The following TTC39B variants were observed in gnomAD, a reference collection of about 807,000 sequenced individuals.
TTC39B encodes tetratricopeptide repeat protein 39B.
A neutral mutation model predicts 96.6 loss-of-function variants in TTC39B; 92 were observed. That is an observed-to-expected ratio of 0.95 (90% CI 0.80 to 1.13). TTC39B has a LOEUF of 1.13. Ranked by LOEUF, TTC39B falls within the 50% of genes most tolerant of loss-of-function variation. TTC39B has a pLI of 0.00. For missense variants in TTC39B, 955 were observed against 809.3 expected (o/e 1.18, Z -2.18); for synonymous variants, 367 against 299.4 (o/e 1.23, Z -2.33).
At chr9:15,278,761 T>A (rs1487752506) in intron 1 of TTC39B, among the ~76,000 whole-genome samples, 1 of 152,266 alleles carries the variant, frequency 6.6e-6, no homozygotes, top group Non-Finnish European at 1.5e-5. Flanking sequence ...AGGCACTATG[T>A]TGAATACTCA....
intron 7 of TTC39B, among the ~76,000 whole-genome samples, 158 bp from the exon 8 acceptor site, chr9:15,200,083 A>T (rs1204557863): frequency 6.6e-6 from 1 of 152,174 alleles, no homozygotes; most frequent in Non-Finnish European, 1.5e-5. Flanking sequence ...CTTGCTTTAC[A>T]TTTAAAAGTT....
intron 1 of TTC39B, among the ~76,000 whole-genome samples, chr9:15,279,731 G>A (rs1402509121): frequency 6.6e-6 from 1 of 152,090 alleles, no homozygotes; most frequent in East Asian, 1.9e-4. Context: ...CACACACAAT[G>A]CTTGGCACTA....
At chr9:15,205,087 C>T (rs1053129296) in intron 6 of TTC39B, among the ~76,000 whole-genome samples, 6 of 152,142 alleles carry the variant, frequency 3.9e-5, no homozygotes, top group African/African-American at 1.4e-4. Context: ...GACCTCGTCC[C>T]CTCTCTGCTG....
chr9:15,212,678 C>A (rs1015064102), intron 4 of TTC39B, among the ~76,000 whole-genome samples: 4 of 152,196 alleles, frequency 2.6e-5, no homozygotes. Flanking sequence ...CCATCTGCCT[C>A]GGCCTCCCAA....
chr9:15,259,403 A>ATT (rs1438909527), intron 2 of TTC39B, among the ~76,000 whole-genome samples: 5 of 152,248 alleles, frequency 3.3e-5, no homozygotes, highest in African/African-American at 1.2e-4. Context: ...TCTAAAGGGC[A>ATT]TTAAAAAGTT....
intron 16 of TTC39B, among the ~76,000 whole-genome samples, chr9:15,182,958 A>G (rs763303831): frequency 1.3e-5 from 2 of 152,212 alleles, no homozygotes; most frequent in Non-Finnish European, 2.9e-5. Flanking sequence ...AGCTCCTAAA[A>G]TGTAAACTAA....
At chr9:15,287,654 TGTAAAGGGAGGTAAAGACAAGAAAACC>T (rs1347333381) in intron 1 of TTC39B, among the ~76,000 whole-genome samples, 11 of 151,992 alleles carry the variant, frequency 7.2e-5, no homozygotes, top group African/African-American at 2.7e-4. Flanking sequence ...TGCCATAAAC[TGTAAAGGGAGGTAAAGACAAGAAAACC>T]TTTAGGGAAA....
intron 1 of TTC39B, among the ~76,000 whole-genome samples, chr9:15,305,323 T>C (rs1469614671): frequency 6.6e-6 from 1 of 152,198 alleles, no homozygotes; most frequent in Non-Finnish European, 1.5e-5. Flanking sequence ...ACCTACCAAG[T>C]TTGAGCCCAA....
intron 4 of TTC39B, 79 bp downstream of exon 4, chr9:15,214,060 T>C (rs1005666606): frequency 1.8e-4 from 203 of 1,117,098 alleles, no homozygotes; most frequent in Admixed American, 5.0e-4. Flanking sequence ...AACAGCTAAA[T>C]TAATTTACAA....
At position 15,294,987 on chromosome 9, in the gene TTC39B, G is replaced by A. The variant is rs138888737; in HGVS notation, c.240+12097C>T. Among the ~76,000 whole-genome samples, 6 of 152,302 alleles carry A rather than the reference G, an allele frequency of 3.9e-5. No homozygotes were observed. The East Asian group carries it at 5.8e-4, about 15-fold the overall frequency. ...TGGAGGAGCAGGGATTCAAGCCCAC[G>A]TCCAACTGACTCCAGAACTTACAAC... On this transcript the variant is annotated intron_variant, in intron 1 of 19. Transcript: ENST00000512701.
At chr9:15,166,906 A>T (rs1275780906) in exon 20 of TTC39B, 1 of 143,388 alleles carries the variant, frequency 7.0e-6, no homozygotes, top group Non-Finnish European at 1.5e-5. Flanking sequence ...ATATATATGC[A>T]TATCACTTAG....
At chr9:15,231,247 A>T (rs1821404899) in intron 2 of TTC39B, among the ~76,000 whole-genome samples, 1 of 152,066 alleles carries the variant, frequency 6.6e-6, no homozygotes, top group Non-Finnish European at 1.5e-5. Flanking sequence ...TCCTAGGCTC[A>T]AGCAATCCTC....
chr9:15,195,094 T>G (rs1318157974), intron 8 of TTC39B, among the ~76,000 whole-genome samples: 2 of 152,218 alleles, frequency 1.3e-5, no homozygotes, highest in Non-Finnish European at 2.9e-5. Flanking sequence ...AGTCAACTTG[T>G]AAGTGCAAAA....
chr9:15,237,612 A>G (rs186633151), intron 2 of TTC39B, among the ~76,000 whole-genome samples: 100 of 151,776 alleles, frequency 6.6e-4, no homozygotes, highest in African/African-American at 2.3e-3. Flanking sequence ...CAGACCAATA[A>G]TAAGTAAGTA....
chr9:15,230,605 C>T (rs774655702), intron 2 of TTC39B, among the ~76,000 whole-genome samples: 2 of 152,164 alleles, frequency 1.3e-5, no homozygotes, highest in Non-Finnish European at 2.9e-5. Context: ...AGCTATACCA[C>T]ATTTTGTTAG....
intron 1 of TTC39B, among the ~76,000 whole-genome samples, chr9:15,285,718 G>C (rs1033613239): frequency 2.0e-5 from 3 of 152,108 alleles, no homozygotes; most frequent in African/African-American, 4.8e-5. Context: ...AGCCGGGCTT[G>C]GTGGCGGGCG....
intron 1 of TTC39B, among the ~76,000 whole-genome samples, chr9:15,301,451 G>C (rs959020848): frequency 1.8e-4 from 27 of 152,190 alleles, no homozygotes; most frequent in African/African-American, 5.8e-4. Context: ...ATGAACGTTG[G>C]TGGAATGAAA....
chr9:15,282,214 G>A (rs879269319), intron 1 of TTC39B, among the ~76,000 whole-genome samples: 1 of 152,106 alleles, frequency 6.6e-6, no homozygotes, highest in Non-Finnish European at 1.5e-5. Context: ...GTGATAATTA[G>A]TATAACAGAC....
In TTC39B at chr9:15,189,624, CGA is replaced by C; in HGVS notation, c.1181_1182del (p.Leu394ArgfsTer16). On this transcript the variant is annotated frameshift_variant, in exon 13 of 20. Transcript: ENST00000512701. LOFTEE classifies it high-confidence loss of function. ...TCTATTCGGGCATGATAAAACAACA[CGA>C]GTGAGCCCTGCAGAGCAAGGAAGAA... 6.2e-7 allele frequency: 1 copy of C among 1,614,098 alleles called. No individual in the cohort carries two copies. Among genetic ancestry groups the C allele is most frequent in the South Asian group, 1.1e-5 (1 of 91,084 alleles).
Sources: gnomAD v4.1 joint callset for allele counts (sites outside exome capture counted in the v4.1 genomes callset) on GRCh38, gnomAD v4.1.1 for gene constraint, MANE v1.5 for transcripts, NCBI Gene and HGNC (gene_info 2026-07-23, HGNC 2026-07-21) for gene names.